Variants in ATP11A observed in about 807,000 individuals in gnomAD.
The protein encoded by ATP11A is ATPase phospholipid transporting 11A.
In ATP11A, 81 loss-of-function variants were observed where a neutral mutation model predicts 154.4. The observed-to-expected ratio is 0.52, with a 90% CI of 0.44 to 0.63. The LOEUF (loss-of-function observed/expected upper bound fraction) is 0.63. Ranked by LOEUF, ATP11A falls within the 30% of genes least tolerant of loss-of-function variation. The probability of loss-of-function intolerance (pLI) is 0.00; values close to 1 mark genes in which losing one functional copy is unlikely to be tolerated. For synonymous variants in ATP11A, 623 were observed against 585.9 expected (o/e 1.06, Z -0.91); for missense variants, 1,316 against 1,474.3 (o/e 0.89, Z 1.76).
chr13:112,743,015 T>G (rs1279870540), intron 1 of ATP11A, among the ~76,000 whole-genome samples: 1 of 152,188 alleles, frequency 6.6e-6, no homozygotes, highest in Non-Finnish European at 1.5e-5. Flanking sequence ...AGTAGCACAG[T>G]GTATGACAGC....
chr13:112,734,608 A>G (rs1311232954), intron 1 of ATP11A, among the ~76,000 whole-genome samples: 3 of 152,178 alleles, frequency 2.0e-5, no homozygotes, highest in African/African-American at 4.8e-5. Context: ...ACAAATGCAG[A>G]CTTCGAAAAT....
intron 28 of ATP11A, among the ~76,000 whole-genome samples, chr13:112,876,890 G>T (rs1274343508): frequency 1.3e-5 from 2 of 152,148 alleles, no homozygotes; most frequent in South Asian, 4.1e-4. Context: ...CCCTCCCTTG[G>T]GGGGCACAGC....
At chr13:112,723,763 T>A (rs1889489289) in intron 1 of ATP11A, among the ~76,000 whole-genome samples, 1 of 151,984 alleles carries the variant, frequency 6.6e-6, no homozygotes, top group South Asian at 2.1e-4. Flanking sequence ...GGCTTAGGAT[T>A]TTATTTTTAG....
At chr13:112,816,339 AC>A in intron 6 of ATP11A, 128 bp downstream of exon 6, 1 of 1,207,836 alleles carries the variant, frequency 8.3e-7, no homozygotes, top group Non-Finnish European at 1.1e-6. Flanking sequence ...AGGGAGTTAC[AC>A]CAGCCATGTT....
chr13:112,836,355 T>G (rs2079234335), intron 16 of ATP11A, 104 bp downstream of exon 16: 4 of 637,056 alleles, frequency 6.3e-6, no homozygotes, highest in Non-Finnish European at 1.0e-5. Flanking sequence ...GGTTTAAGAA[T>G]GATTTATTCT....
chr13:112,704,132 C>A (rs910187498), intron 1 of ATP11A, among the ~76,000 whole-genome samples: 2 of 152,104 alleles, frequency 1.3e-5, no homozygotes, highest in Non-Finnish European at 2.9e-5. Context: ...GAGTGCCACA[C>A]CACCCACACG....
At chr13:112,772,711 C>T (rs897982447) in intron 1 of ATP11A, among the ~76,000 whole-genome samples, 1 of 152,184 alleles carries the variant, frequency 6.6e-6, no homozygotes, top group East Asian at 1.9e-4. Context: ...CAGATTTGCC[C>T]GTGTGGACGC....
rs1410009386 is a variant in ATP11A, at chr13:112,781,377, T to C, written c.40-3758T>C. Among the ~76,000 whole-genome samples, 3 of 152,074 alleles carry C rather than the reference T, an allele frequency of 2.0e-5. No homozygotes were observed. In the East Asian group the frequency reaches 5.8e-4, roughly 29 times the overall value. On this transcript the variant is annotated intron_variant, in intron 1 of 29. Transcript: ENST00000375645. ...TGTCTATGTCCCCGTTTATGCACAG[T>C]ATGTCTGGCCCTGGATTCAAGACCG...
At chr13:112,812,884 C>T (rs1030041673) in intron 5 of ATP11A, among the ~76,000 whole-genome samples, 2 of 152,324 alleles carry the variant, frequency 1.3e-5, no homozygotes, top group Admixed American at 1.3e-4. Context: ...GCATCCGGTC[C>T]CAGGCCTTCA....
intron 1 of ATP11A, among the ~76,000 whole-genome samples, chr13:112,757,406 C>T (rs755642681): frequency 5.3e-5 from 8 of 152,268 alleles, no homozygotes; most frequent in Non-Finnish European, 1.2e-4. Context: ...AGTGTCATCA[C>T]GACTTCCTCT....
intron 1 of ATP11A, among the ~76,000 whole-genome samples, chr13:112,765,673 A>C (rs2077058413): frequency 6.6e-6 from 1 of 152,224 alleles, no homozygotes; most frequent in Non-Finnish European, 1.5e-5. Context: ...CGATCTGAAA[A>C]CTAGATTCAC....
chr13:112,765,796 CGAATAATTCTCGCTGCA>C (rs1326294971), intron 1 of ATP11A, among the ~76,000 whole-genome samples: 1 of 152,244 alleles, frequency 6.6e-6, no homozygotes, highest in Admixed American at 6.5e-5. Context: ...AAGATGCTCA[CGAATAATTCTCGCTGCA>C]GAGCTTAGTA....
Position 112,708,543 on chromosome 13 carries a change from G to A in ATP11A, c.39+18088G>A, listed in dbSNP as rs113108318. ...TTCGCAGTTGACAGAAAAGTAAAACGTAAAAGGAGTATTAATGGCTTTTCC... is the reference window on the plus strand; with the variant it reads ...TTCGCAGTTGACAGAAAAGTAAAACATAAAAGGAGTATTAATGGCTTTTCC... On this transcript the variant is annotated intron_variant, in intron 1 of 29. Transcript: ENST00000375645. 1.2e-3 allele frequency among the ~76,000 whole-genome samples: 188 copies of A among 152,308 alleles called. 1 individual carries two copies. Among genetic ancestry groups the A allele is most frequent in the African/African-American group, 2.9e-3 (120 of 41,572 alleles).
chr13:112,766,723 C>T (rs886552071), intron 1 of ATP11A, among the ~76,000 whole-genome samples: 1 of 151,980 alleles, frequency 6.6e-6, no homozygotes, highest in African/African-American at 2.4e-5. Flanking sequence ...ATTCACTGTG[C>T]TGAAAGCTGC....
intron 29 of ATP11A, chr13:112,880,659 C>T (rs939417560): frequency 3.1e-6 from 4 of 1,287,368 alleles, no homozygotes; most frequent in South Asian, 1.2e-5. Context: ...GGTAACTGTG[C>T]GGCTGCTGGA....
chr13:112,752,844 G>A (rs1480347304), intron 1 of ATP11A, among the ~76,000 whole-genome samples: 1 of 152,142 alleles, frequency 6.6e-6, no homozygotes, highest in East Asian at 1.9e-4. Context: ...GACTTTCCAG[G>A]AAAGTCAGCC....
At position 112,859,214 on chromosome 13, in the gene ATP11A, C is replaced by G. The variant is rs1023558413; in HGVS notation, c.2668-179C>G. On this transcript the variant is annotated intron_variant, in intron 22 of 29. Coordinates refer to ENST00000375645, the MANE Select transcript of ATP11A (RefSeq NM_015205.3). This position sits in a 1 kb window ranked among gnomAD's most constrained non-coding sequence, Gnocchi z 4.3. ...GTCCTGAGTGGCCAAAACGTGGTCACATGTGCATTTCAGTTGCCCCTGAAA... is the reference window on the plus strand; with the variant it reads ...GTCCTGAGTGGCCAAAACGTGGTCAGATGTGCATTTCAGTTGCCCCTGAAA... The G allele has an allele frequency of 3.1e-6, 2 of 634,954 alleles. No individual in the cohort carries two copies. Among genetic ancestry groups the G allele is most frequent in the African/African-American group, 3.6e-5 (2 of 55,518 alleles). The allele number at this position is 634,954 out of a possible 1,614,324, so 39.3% of individuals were successfully genotyped here. A position where few individuals can be genotyped will look rare whatever the true frequency, so the allele number is the denominator to read the frequency against.
At chr13:112,783,712 T>G (rs1267701556) in intron 1 of ATP11A, among the ~76,000 whole-genome samples, 2 of 152,228 alleles carry the variant, frequency 1.3e-5, no homozygotes, top group East Asian at 3.8e-4. Context: ...GGCCCCGTAT[T>G]CCGAGGTGGG....
At chr13:112,729,930 T>A (rs1233278934) in intron 1 of ATP11A, among the ~76,000 whole-genome samples, 1 of 152,258 alleles carries the variant, frequency 6.6e-6, no homozygotes, top group South Asian at 2.1e-4. Context: ...GGCTTAGATG[T>A]AACAGTAGTA....
Sources: allele counts gnomAD v4.1 joint callset (sites outside exome capture counted in the v4.1 genomes callset), GRCh38; gene constraint gnomAD v4.1.1; non-coding constraint Gnocchi (gnomAD v3.1); transcripts MANE v1.5; gene names NCBI Gene and HGNC (gene_info 2026-07-23, HGNC 2026-07-21).